TAF4: variants seen among roughly 807,000 people sequenced by gnomAD.
TAF4 encodes the protein TATA-box binding protein associated factor 4.
A neutral mutation model predicts 90.3 loss-of-function variants in TAF4; 9 were observed. The observed-to-expected ratio is 0.10, with a 90% CI of 0.06 to 0.17. The LOEUF is 0.17. TAF4 is among the 10% of genes least tolerant of loss of function. The probability of loss-of-function intolerance (pLI) is 1.00; values close to 1 mark genes in which losing one functional copy is unlikely to be tolerated. For synonymous variants in TAF4, 818 were observed against 638.9 expected (o/e 1.28, Z -4.23); for missense variants, 1,351 against 1,370.7 (o/e 0.99, Z 0.23).
chr20:62,026,811 G>T (rs1171866897), intron 1 of TAF4, among the ~76,000 whole-genome samples: 4 of 152,202 alleles, frequency 2.6e-5, no homozygotes, highest in Non-Finnish European at 4.4e-5. Context: ...TCTCCCCCGG[G>T]CTCTGATTCT....
At chr20:62,060,859 A>G (rs1430733201) in intron 1 of TAF4, among the ~76,000 whole-genome samples, 2 of 152,014 alleles carry the variant, frequency 1.3e-5, no homozygotes, top group Admixed American at 1.3e-4. Flanking sequence ...CACACCAAAC[A>G]CCTCAGTCAC....
chr20:61,995,297 G>C (rs970740792), intron 14 of TAF4, among the ~76,000 whole-genome samples: 11 of 152,168 alleles, frequency 7.2e-5, no homozygotes, highest in African/African-American at 2.7e-4. Context: ...TAAGCTCAAA[G>C]AATTAGGGGA....
chr20:62,059,937 G>A (rs2056080291), intron 1 of TAF4, among the ~76,000 whole-genome samples: 1 of 152,234 alleles, frequency 6.6e-6, no homozygotes. Flanking sequence ...TATCCCTTAA[G>A]TGGAAGAAAA....
At chr20:62,059,355 T>C (rs563011860) in intron 1 of TAF4, among the ~76,000 whole-genome samples, 20 of 152,376 alleles carry the variant, frequency 1.3e-4, no homozygotes, top group East Asian at 1.9e-4. Flanking sequence ...ATTTGAGATA[T>C]GTAAAAATCA....
intron 1 of TAF4, among the ~76,000 whole-genome samples, chr20:62,029,847 G>A (rs1452628035): frequency 1.3e-5 from 2 of 152,088 alleles, no homozygotes. Context: ...CGGAGCTTGC[G>A]GTGAGCCGAG....
intron 14 of TAF4, among the ~76,000 whole-genome samples, chr20:61,983,808 A>G (rs1376112996): frequency 6.6e-6 from 1 of 152,206 alleles, no homozygotes; most frequent in Non-Finnish European, 1.5e-5. Flanking sequence ...CTGAGACCAA[A>G]CCATATGCTA....
intron 14 of TAF4, among the ~76,000 whole-genome samples, chr20:61,993,910 G>A (rs928020309): frequency 6.6e-6 from 1 of 152,014 alleles, no homozygotes; most frequent in Non-Finnish European, 1.5e-5. Context: ...CTACCACCAC[G>A]CCCGGCTAAA....
At chr20:62,014,500 G>T in intron 2 of TAF4, 47 bp downstream of exon 2, 1 of 1,547,508 alleles carries the variant, frequency 6.5e-7, no homozygotes, top group Non-Finnish European at 8.7e-7. Flanking sequence ...TGGGGAGAGG[G>T]GCTGGGCAGG....
At chr20:62,001,786 T>G (rs1179864924) in intron 9 of TAF4, among the ~76,000 whole-genome samples, 1 of 152,178 alleles carries the variant, frequency 6.6e-6, no homozygotes, top group Non-Finnish European at 1.5e-5. Context: ...TGTCCACTGC[T>G]CTCTGACACA....
chr20:62,001,430 C>T (rs2055702180), intron 9 of TAF4, among the ~76,000 whole-genome samples: 1 of 152,238 alleles, frequency 6.6e-6, no homozygotes. Context: ...GTGTGCAGGA[C>T]GTCCTCTTCC....
intron 1 of TAF4, among the ~76,000 whole-genome samples, chr20:62,038,449 C>T (rs1217070509): frequency 1.3e-5 from 2 of 152,050 alleles, no homozygotes. Flanking sequence ...GTATGAGCCA[C>T]TGAGCCACCG....
At chr20:62,003,068 A>G (rs2055717359) in intron 9 of TAF4, 92 bp downstream of exon 9, 2 of 1,101,484 alleles carry the variant, frequency 1.8e-6, no homozygotes, top group Non-Finnish European at 2.7e-6. Context: ...GCCACGTGGG[A>G]AAGACCCGTG....
chr20:62,048,327 G>A (rs2056005385), intron 1 of TAF4, among the ~76,000 whole-genome samples: 3 of 152,154 alleles, frequency 2.0e-5, no homozygotes, highest in African/African-American at 7.2e-5. Flanking sequence ...GGAAAGGATG[G>A]GAGTTGTCAA....
chr20:62,054,906 C>G (rs545394941), intron 1 of TAF4, among the ~76,000 whole-genome samples: 36 of 152,264 alleles, frequency 2.4e-4, no homozygotes, highest in African/African-American at 8.2e-4. Flanking sequence ...TCCCTCTCAC[C>G]CCGCCTGCCC....
At chr20:62,042,777 A>G (rs1173701002) in intron 1 of TAF4, among the ~76,000 whole-genome samples, 1 of 152,216 alleles carries the variant, frequency 6.6e-6, no homozygotes, top group African/African-American at 2.4e-5. Flanking sequence ...TACTGCATCT[A>G]CTTATTAAAA....
chr20:62,005,726 T>G (rs960486180), intron 7 of TAF4: 1 of 152,214 alleles, frequency 6.6e-6, no homozygotes, highest in African/African-American at 2.4e-5. Context: ...CAAATGCAAC[T>G]TGAACAGAGC....
chr20:62,021,470 G>C (rs1264804161), intron 1 of TAF4, among the ~76,000 whole-genome samples: 1 of 152,258 alleles, frequency 6.6e-6, no homozygotes, highest in African/African-American at 2.4e-5. Context: ...GCCTGCACAG[G>C]GAGCAGAAGC....
rs1227118329 is a variant in TAF4, at chr20:62,000,129, A to G, written c.2782T>C (p.Tyr928His). 6.2e-7 allele frequency: 1 copy of G among 1,614,246 alleles called. No individual in the cohort carries two copies. Among genetic ancestry groups the G allele is most frequent in the South Asian group, 1.1e-5 (1 of 91,082 alleles). Reference sequence around the variant, plus strand: ...CTCGGCAAACAGCCTGTTACCTTGTAAGAAAAGTTCTTCTGCTGAGCTGTT... The same window carrying G: ...CTCGGCAAACAGCCTGTTACCTTGTGAGAAAAGTTCTTCTGCTGAGCTGTT... The part of the protein sequence containing the change: ...SETAQQKNFS[Y>H]KDDDRYEQAS... The change falls in exon 11 of 15, where the codon TAC becomes CAC. Residue 928 changes from tyrosine to histidine, a missense_variant. Tyr to His is a moderately conservative substitution (Grantham distance 83). Around this residue, in one of 9 missense-constraint regions of TAF4, gnomAD observed 95 missense variants for 151.3 expected, o/e 0.63. Transcript: ENST00000252996.
chr20:61,976,664 A>C (rs2055496711), intron 14 of TAF4, among the ~76,000 whole-genome samples: 1 of 152,102 alleles, frequency 6.6e-6, no homozygotes, highest in South Asian at 2.1e-4. Context: ...CCCCAGGGCC[A>C]CCCTCCATGT....
Sources: allele counts gnomAD v4.1 joint callset (sites outside exome capture counted in the v4.1 genomes callset), GRCh38; gene constraint gnomAD v4.1.1; regional missense constraint gnomAD v4.1.1; transcripts MANE v1.5; gene names NCBI Gene and HGNC (gene_info 2026-07-23, HGNC 2026-07-21).